The following AIG1 variants were observed in gnomAD, a reference collection of about 807,000 sequenced individuals.
AIG1 encodes androgen induced 1, also known as androgen-induced gene 1 protein.
A neutral mutation model predicts 31.4 loss-of-function variants in AIG1; 23 were observed. That is an observed-to-expected ratio of 0.73 (90% CI 0.53 to 1.04). The LOEUF (loss-of-function observed/expected upper bound fraction) is 1.04, where lower values mean the gene tolerates loss of function less well. Ranked by LOEUF, AIG1 falls within the 50% of genes least tolerant of loss-of-function variation. The probability of loss-of-function intolerance (pLI) is 0.00; values close to 1 mark genes in which losing one functional copy is unlikely to be tolerated. For synonymous variants in AIG1, 100 were observed against 110.5 expected (o/e 0.90, Z 0.60); for missense variants, 274 against 295.0 (o/e 0.93, Z 0.52).
chr6:143,329,672 A>G lies in AIG1; in HGVS notation c.516-3610A>G, dbSNP rs1488835160. On this transcript the variant is annotated intron_variant, in intron 4 of 5. Coordinates refer to ENST00000357847, the MANE Select transcript of AIG1 (RefSeq NM_016108.4). This position sits in a 1 kb window ranked among gnomAD's most constrained non-coding sequence, Gnocchi z 4.9. ...GCCGGTGTGCCAAATCCAGCCCACCACCTGGATTTTTGTTTGTTTGTTTGT... is the reference window on the plus strand; with the variant it reads ...GCCGGTGTGCCAAATCCAGCCCACCGCCTGGATTTTTGTTTGTTTGTTTGT... Among the ~76,000 whole-genome samples the G allele has an allele frequency of 6.8e-6, 1 of 146,394 alleles. No homozygotes were observed. The highest frequency in any genetic ancestry group is 2.4e-5 in the African/African-American group (1 of 40,860).
intron 2 of AIG1, among the ~76,000 whole-genome samples, chr6:143,148,060 A>G (rs1358402607): frequency 6.6e-6 from 1 of 152,134 alleles, no homozygotes; most frequent in Non-Finnish European, 1.5e-5. Context: ...ACAGCAAGTA[A>G]ATGATGCTGG....
At chr6:143,332,806 A>T (rs1282513446) in intron 4 of AIG1, among the ~76,000 whole-genome samples, 1 of 152,244 alleles carries the variant, frequency 6.6e-6, no homozygotes, top group Non-Finnish European at 1.5e-5. Flanking sequence ...GCCATTTCAA[A>T]TACCCTTCAA....
In AIG1 at chr6:143,299,354, G is replaced by A. The variant is rs11753012; in HGVS notation, c.515+15129G>A. The A allele has an allele frequency of 0.2, 30,638 of 152,112 alleles. 3,433 individuals carry two copies. The highest frequency in any genetic ancestry group is 0.4 in the East Asian group (2,062 of 5,172). The allele number at this position is 152,112 out of a possible 1,614,324, so 9.4% of individuals were successfully genotyped here. On this transcript the variant is annotated intron_variant, in intron 4 of 5. Coordinates refer to ENST00000357847, the MANE Select transcript of AIG1 (RefSeq NM_016108.4). The surrounding 1 kb of genome is among the most constrained non-coding windows in gnomAD (Gnocchi z 4.1). ...AGAGTCGAGAAATAGCATGACATAG[G>A]GCAGGTGTAACTGTCATAGAAGGGC...
rs1277811853 is a variant in AIG1 at position 143,333,369 on chromosome 6, G to T, written c.603G>T (p.Gly201=). The T allele has an allele frequency of 6.2e-7, 1 of 1,613,954 alleles. No homozygotes were observed. The highest frequency in any genetic ancestry group is 1.3e-5 in the African/African-American group (1 of 75,000). The change falls in exon 5 of 6, where the codon GGG becomes GGT. Residue 201 remains glycine, a synonymous_variant. Coordinates refer to ENST00000357847, the MANE Select transcript of AIG1 (RefSeq NM_016108.4). The surrounding 1 kb of genome is among the most constrained non-coding windows in gnomAD (Gnocchi z 4.6). ...CAGGAGCCAGAATCATCTTCTTTGG[G>T]TCTACAACCATCTTAATGAACTTCC... ...IGPGARIIFF[G]STTILMNFLY...
At chr6:143,127,025 C>A (rs1469202749) in intron 1 of AIG1, among the ~76,000 whole-genome samples, 1 of 152,144 alleles carries the variant, frequency 6.6e-6, no homozygotes. Flanking sequence ...TAATATCTAT[C>A]TATCTAGACA....
At chr6:143,099,161 A>G (rs763865602) in intron 1 of AIG1, among the ~76,000 whole-genome samples, 1 of 152,244 alleles carries the variant, frequency 6.6e-6, no homozygotes, top group Non-Finnish European at 1.5e-5. Flanking sequence ...GATTCCACCA[A>G]AAATGGCCAC....
chr6:143,283,663 C>A (rs1797499355), intron 3 of AIG1, among the ~76,000 whole-genome samples: 1 of 152,154 alleles, frequency 6.6e-6, no homozygotes. Context: ...AATTTCTAAA[C>A]TACCATATCA....
At chr6:143,092,279 A>ATTTTTTTTT (rs760340815) in intron 1 of AIG1, among the ~76,000 whole-genome samples, 4 of 117,684 alleles carry the variant, frequency 3.4e-5, no homozygotes, top group Non-Finnish European at 5.4e-5. Flanking sequence ...TAATTTTTTG[A>ATTTTTTTTT]TTTTTTTTTT....
intron 3 of AIG1, among the ~76,000 whole-genome samples, chr6:143,234,551 T>C (rs1793675535): frequency 6.6e-6 from 1 of 152,196 alleles, no homozygotes; most frequent in Non-Finnish European, 1.5e-5. Context: ...CTAGGAATTG[T>C]CTTTCTTTGG....
chr6:143,180,396 C>G (rs151100661), intron 3 of AIG1, among the ~76,000 whole-genome samples: 1 of 152,152 alleles, frequency 6.6e-6, no homozygotes, highest in African/African-American at 2.4e-5. Context: ...GGGCCATTTT[C>G]AGTTTGACAA....
At chr6:143,307,938 C>T (rs533239999) in intron 4 of AIG1, among the ~76,000 whole-genome samples, 3 of 152,236 alleles carry the variant, frequency 2.0e-5, no homozygotes, top group South Asian at 2.1e-4. Flanking sequence ...GCCTCGCTGC[C>T]GCCTTGCAGT....
rs891458593 is a variant in AIG1, at chr6:143,280,244, C to T, written c.400-3866C>T. The stretch of plus-strand genomic sequence containing the variant: ...AAAGTAACAGATGCTGGTGAGGTTG[C>T]GAAGAAAAGGGAACACTTATACACT... On this transcript the variant is annotated intron_variant, in intron 3 of 5. Transcript: ENST00000357847. This position sits in a 1 kb window ranked among gnomAD's most constrained non-coding sequence, Gnocchi z 4.1. Among the ~76,000 whole-genome samples, 1 of 152,214 alleles carries T rather than the reference C, an allele frequency of 6.6e-6. No individual in the cohort carries two copies. Among genetic ancestry groups the T allele is most frequent in the South Asian group, 2.1e-4 (1 of 4,828 alleles).
At position 143,153,839 on chromosome 6, in the gene AIG1, G is replaced by C. The variant is rs1007762767; in HGVS notation, c.298-11243G>C. ...AAAACTTGAGTTCTGACTATATGCA[G>C]GTTCTTCTAGGGGACCCAGAACTAG... On this transcript the variant is annotated intron_variant, in intron 2 of 5. Transcript: ENST00000357847. Among the ~76,000 whole-genome samples the C allele has an allele frequency of 3.3e-5, 5 of 151,804 alleles. No individual in the cohort carries two copies. The South Asian group carries it at 6.3e-4, about 19-fold the overall frequency.
chr6:143,328,418 C>T lies in AIG1; in HGVS notation c.516-4864C>T, dbSNP rs1021329990. Among the ~76,000 whole-genome samples, 8 of 152,090 alleles carry T rather than the reference C, an allele frequency of 5.3e-5. No homozygotes were observed. Among genetic ancestry groups the T allele is most frequent in the Non-Finnish European group, 1.2e-4 (8 of 68,004 alleles). The stretch of plus-strand genomic sequence containing the variant: ...TTGGTTTGAAAGAAAGTTAAATACA[C>T]AAGAGAAAGAAAGACTAAAGGCAAG... On this transcript the variant is annotated intron_variant, in intron 4 of 5. Transcript: ENST00000357847. This position sits in a 1 kb window ranked among gnomAD's most constrained non-coding sequence, Gnocchi z 4.0.
chr6:143,341,535 G>A (rs574138439), downstream of AIG1, among the ~76,000 whole-genome samples: 1 of 152,216 alleles, frequency 6.6e-6, no homozygotes, highest in East Asian at 1.9e-4. Context: ...TAAAAAGGGG[G>A]AATTAGGACA....
chr6:143,207,518 A>G (rs1791214058), intron 3 of AIG1, among the ~76,000 whole-genome samples: 1 of 51,198 alleles, frequency 2.0e-5, no homozygotes, highest in Non-Finnish European at 3.4e-5. Flanking sequence ...AACCATTACA[A>G]TACACACACA....
At chr6:143,202,281 T>C (rs1191549913) in intron 3 of AIG1, among the ~76,000 whole-genome samples, 1 of 152,126 alleles carries the variant, frequency 6.6e-6, no homozygotes, top group East Asian at 1.9e-4. Context: ...CTAACCAAGT[T>C]TTTTTCCTTC....
intron 3 of AIG1, among the ~76,000 whole-genome samples, chr6:143,221,431 T>C (rs1363763028): frequency 6.6e-6 from 1 of 151,970 alleles, no homozygotes; most frequent in Non-Finnish European, 1.5e-5. Flanking sequence ...TACACTGTGG[T>C]CTCTGTGGTC....
chr6:143,152,170 T>C (rs982318463), intron 2 of AIG1, among the ~76,000 whole-genome samples: 11 of 152,188 alleles, frequency 7.2e-5, no homozygotes, highest in Non-Finnish European at 1.5e-4. Flanking sequence ...CATTGACACA[T>C]AGTCATCTAA....
Sources: gnomAD v4.1 joint callset for allele counts (sites outside exome capture counted in the v4.1 genomes callset) on GRCh38, gnomAD v4.1.1 for gene constraint, Gnocchi (gnomAD v3.1) non-coding constraint, MANE v1.5 for transcripts, NCBI Gene and HGNC (gene_info 2026-07-23, HGNC 2026-07-21) for gene names.